Variants in NEGR1 observed in about 807,000 individuals in gnomAD.
The protein encoded by NEGR1 is neuronal growth regulator 1.
In NEGR1, 10 loss-of-function variants were observed where a neutral mutation model predicts 40.9. That is an observed-to-expected ratio of 0.24 (90% CI 0.15 to 0.42). NEGR1 has a LOEUF of 0.42. Among genes scored for constraint, NEGR1 ranks in the 10% least tolerant of loss-of-function variants. NEGR1 has a pLI of 1.00. For synonymous variants in NEGR1, 185 were observed against 166.8 expected (o/e 1.11, Z -0.84); for missense variants, 352 against 438.9 (o/e 0.80, Z 1.77).
intron 1 of NEGR1, among the ~76,000 whole-genome samples, chr1:72,081,470 T>A (rs1245779073): frequency 3.9e-5 from 6 of 152,092 alleles, no homozygotes; most frequent in Non-Finnish European, 1.5e-5. Context: ...CAGTTACAGC[T>A]CCCTGTAATT....
At chr1:71,835,430 G>A (rs1472071020) in intron 2 of NEGR1, among the ~76,000 whole-genome samples, 1 of 152,084 alleles carries the variant, frequency 6.6e-6, no homozygotes, top group Non-Finnish European at 1.5e-5. Context: ...GTTAGGATAT[G>A]CATAAGGGCA....
At chr1:72,010,594 T>C (rs1349484132) in intron 1 of NEGR1, among the ~76,000 whole-genome samples, 1 of 151,984 alleles carries the variant, frequency 6.6e-6, no homozygotes, top group Non-Finnish European at 1.5e-5. Context: ...TGGGTATTTA[T>C]ATTCCTCTCC....
intron 2 of NEGR1, among the ~76,000 whole-genome samples, chr1:71,877,706 T>C (rs956555481): frequency 6.6e-6 from 1 of 152,126 alleles, no homozygotes; most frequent in African/African-American, 2.4e-5. Flanking sequence ...AAATTAGCTG[T>C]GGTTTTAATT....
At chr1:71,859,317 C>T (rs777773506) in intron 2 of NEGR1, among the ~76,000 whole-genome samples, 7 of 152,092 alleles carry the variant, frequency 4.6e-5, no homozygotes, top group African/African-American at 9.6e-5. Flanking sequence ...TTTCCTTAAA[C>T]GCTGCATGGC....
intron 1 of NEGR1, among the ~76,000 whole-genome samples, chr1:72,221,544 T>A (rs991392956): frequency 1.3e-5 from 2 of 152,130 alleles, no homozygotes; most frequent in Non-Finnish European, 2.9e-5. Flanking sequence ...CATTTCCTAA[T>A]TTTTTTCTGT....
chr1:72,018,874 T>C (rs1335967755), intron 1 of NEGR1, among the ~76,000 whole-genome samples: 3 of 152,052 alleles, frequency 2.0e-5, no homozygotes, highest in Non-Finnish European at 4.4e-5. Flanking sequence ...AATGTTGGCA[T>C]AGGGCAACAT....
At chr1:71,825,296 C>T (rs1022219720) in intron 2 of NEGR1, among the ~76,000 whole-genome samples, 3 of 151,934 alleles carry the variant, frequency 2.0e-5, no homozygotes, top group African/African-American at 7.2e-5. Flanking sequence ...TGGTTTAAAT[C>T]TCCTTCAGAA....
chr1:71,693,724 A>G (rs886883910), intron 4 of NEGR1, among the ~76,000 whole-genome samples: 3 of 151,522 alleles, frequency 2.0e-5, no homozygotes, highest in Admixed American at 6.6e-5. Context: ...CAAGGCCCAC[A>G]TTTCCAAAAC....
intron 5 of NEGR1, among the ~76,000 whole-genome samples, chr1:71,595,572 T>G (rs878944556): frequency 3.3e-5 from 5 of 152,136 alleles, no homozygotes; most frequent in Admixed American, 3.3e-4. Context: ...TTCTCAATTA[T>G]TCAAATCAAT....
At chr1:71,593,051 A>G in intron 5 of NEGR1, 83 bp from the exon 6 acceptor site, 2 of 926,972 alleles carry the variant, frequency 2.2e-6, no homozygotes, top group Non-Finnish European at 3.4e-6. Flanking sequence ...TTGTCATGGC[A>G]ACCCATAGAC....
In NEGR1 at chr1:71,854,734, G is replaced by C. The variant is rs146378314; in HGVS notation, c.410-78437C>G. On this transcript the variant is annotated intron_variant, in intron 2 of 6. Coordinates refer to ENST00000357731, the MANE Select transcript of NEGR1 (RefSeq NM_173808.3). ...GTAGGACAGAGAGAGAATCGGCGCT[G>C]AGCAAAGGGGGGAAAGTCCCTTATA... is the stretch of plus-strand genomic sequence containing the variant. Among the ~76,000 whole-genome samples the C allele has an allele frequency of 1.3e-3, 203 of 152,120 alleles. 2 individuals carry two copies. The highest frequency in any genetic ancestry group is 0.013 in the Admixed American group (193 of 15,258).
chr1:71,620,648 T>C (rs1427816478), intron 4 of NEGR1, among the ~76,000 whole-genome samples: 1 of 151,872 alleles, frequency 6.6e-6, no homozygotes, highest in East Asian at 1.9e-4. Flanking sequence ...GAAGCTAAGA[T>C]TTAAAAAAAT....
At position 71,505,737 on chromosome 1, in the gene NEGR1, A is replaced by G. The variant is rs555287583; in HGVS notation, c.940+87080T>C. The stretch of plus-strand genomic sequence containing the variant: ...CTATAACTGGGAGAAAAACAACAGT[A>G]CCGCTGGACTGTGCTGCCACAAGGT... On this transcript the variant is annotated intron_variant, in intron 6 of 6. Transcript: ENST00000357731. 1.7e-4 allele frequency among the ~76,000 whole-genome samples: 26 copies of G among 152,326 alleles called. No individual in the cohort carries two copies. In the South Asian group the frequency reaches 4.3e-3, roughly 25 times the overall value.
At chr1:71,695,958 T>G (rs1653462620) in intron 4 of NEGR1, among the ~76,000 whole-genome samples, 1 of 151,806 alleles carries the variant, frequency 6.6e-6, no homozygotes. Context: ...TATGTACAGT[T>G]GTCACCTAGC....
intron 1 of NEGR1, among the ~76,000 whole-genome samples, chr1:72,046,344 G>A (rs1208241880): frequency 1.3e-5 from 2 of 151,556 alleles, no homozygotes; most frequent in Non-Finnish European, 3.0e-5. Flanking sequence ...AACACATTGA[G>A]AATAATAGAT....
chr1:72,118,238 G>C (rs957468725), intron 1 of NEGR1, among the ~76,000 whole-genome samples: 1 of 151,802 alleles, frequency 6.6e-6, no homozygotes, highest in African/African-American at 2.4e-5. Flanking sequence ...ACTGGTCCTG[G>C]AATAACATTA....
At chr1:71,946,499 G>C (rs1646020156) in intron 1 of NEGR1, among the ~76,000 whole-genome samples, 1 of 151,072 alleles carries the variant, frequency 6.6e-6, no homozygotes, top group South Asian at 2.1e-4. Context: ...CAAAGAAATC[G>C]AATTAAGAGT....
In NEGR1 at chr1:71,431,318, C is replaced by A. The variant is rs528727508; in HGVS notation, c.941-23748G>T. On this transcript the variant is annotated intron_variant, in intron 6 of 6. Transcript: ENST00000357731. Reference sequence around the variant, plus strand: ...ATAAAGTAAAACATGGCTATAGCTCCCAATTTTTCTAGCAAAGTGTACAAT... The same window carrying A: ...ATAAAGTAAAACATGGCTATAGCTCACAATTTTTCTAGCAAAGTGTACAAT... 2.0e-5 allele frequency among the ~76,000 whole-genome samples: 3 copies of A among 151,992 alleles called. No homozygotes were observed. In the South Asian group the frequency reaches 6.2e-4, roughly 32 times the overall value.
At chr1:72,273,252 T>TTTA (rs1655910324) in intron 1 of NEGR1, among the ~76,000 whole-genome samples, 2 of 152,026 alleles carry the variant, frequency 1.3e-5, no homozygotes, top group African/African-American at 4.8e-5. Context: ...ATTGAGTTAT[T>TTTA]CATCCATATT....
Sources: allele counts gnomAD v4.1 joint callset (sites outside exome capture counted in the v4.1 genomes callset), GRCh38; gene constraint gnomAD v4.1.1; transcripts MANE v1.5; gene names NCBI Gene and HGNC (gene_info 2026-07-23, HGNC 2026-07-21).